Variants in MOGAT3 observed in about 807,000 individuals in gnomAD.
MOGAT3 encodes 2-acylglycerol O-acyltransferase 3.
A neutral mutation model predicts 34.4 loss-of-function variants in MOGAT3; 39 were observed. That is an observed-to-expected ratio of 1.13 (90% CI 0.88 to 1.48). MOGAT3 has a LOEUF of 1.48. Ranked by LOEUF, MOGAT3 falls within the 40% of genes most tolerant of loss-of-function variation. MOGAT3 has a pLI of 0.00. For missense variants in MOGAT3, 439 were observed against 438.9 expected (o/e 1.00, Z 0.00); for synonymous variants, 209 against 179.2 (o/e 1.17, Z -1.33).
At position 101,196,363 on chromosome 7, in the gene MOGAT3, A is replaced by G. The variant is rs776825573; in HGVS notation, c.695T>C (p.Phe232Ser). The change falls in exon 6 of 7, where the codon TTT becomes TCT. Residue 232 changes from phenylalanine to serine, a missense_variant. Coordinates refer to ENST00000223114, the MANE Select transcript of MOGAT3 (RefSeq NM_178176.4). ...AAGTCTAAAGATGTCATTCTCCCCA[A>G]AGGAGTACACGGGCACCAGGGACGC... ...HGASLVPVYSFGENDIFRLKA... is the reference protein window; with the variant it reads ...HGASLVPVYSSGENDIFRLKA... 1 of 1,613,394 alleles carries G rather than the reference A, an allele frequency of 6.2e-7. No homozygotes were observed. Among genetic ancestry groups the G allele is most frequent in the South Asian group, 1.1e-5 (1 of 91,066 alleles).
In MOGAT3 at chr7:101,198,894, C is replaced by T. The variant is rs1797878779; in HGVS notation, c.289-64G>A. 4.9e-6 allele frequency: 7 copies of T among 1,442,722 alleles called. No individual in the cohort carries two copies. The East Asian group carries it at 6.8e-5, about 14-fold the overall frequency. 89.4% of individuals were successfully genotyped at this position (1,442,722 alleles called of 1,614,324 possible). ...CAAGACACCGGCTGAAAAGAGGGGC[C>T]CTCCACCCCAACAGAGTTCCGAGTT... On this transcript the variant is annotated intron_variant, in intron 3 of 6. Coordinates refer to ENST00000223114, the MANE Select transcript of MOGAT3 (RefSeq NM_178176.4).
rs200512746 is a variant in MOGAT3 at position 101,196,411 on chromosome 7, G to A, written c.669-22C>T. ...CGCCCTGGGAAGGAGCAAGAGAGAA[G>A]AGGGGGCTCAGGCTGCTGGACTGCT... On this transcript the variant is annotated intron_variant, in intron 5 of 6. Transcript: ENST00000223114. 1.5e-5 allele frequency: 23 copies of A among 1,581,196 alleles called. No homozygotes were observed. In the African/African-American group the frequency reaches 2.7e-4, roughly 19 times the overall value.
rs748907539 is a variant in MOGAT3, at chr7:101,196,308, A to G, written c.750T>C (p.His250=). 1.9e-6 allele frequency: 3 copies of G among 1,613,998 alleles called. No homozygotes were observed. The highest frequency in any genetic ancestry group is 1.7e-6 in the Non-Finnish European group (2 of 1,179,928). ...GCTTCTTGAAGGTGAGCTGGCACCA[A>G]TGCTGCCAGGAGCCTGTGGCAAAAG... ...LKAFATGSWQ[H]WCQLTFKKLM... Residue 250 remains histidine (H), a synonymous_variant, in exon 6 of 7, where the codon CAT becomes CAC. Transcript: ENST00000223114.
At chr7:101,194,317 A>C (rs1304299084), downstream of MOGAT3, among the ~76,000 whole-genome samples, 2 of 151,636 alleles carry the variant, frequency 1.3e-5, no homozygotes, top group Non-Finnish European at 2.9e-5. Context: ...CCTCCTGAGT[A>C]GCTGGGTCTA....
At chr7:101,197,277 C>A (rs558132855) in intron 5 of MOGAT3, among the ~76,000 whole-genome samples, 1 of 152,124 alleles carries the variant, frequency 6.6e-6, no homozygotes, top group Non-Finnish European at 1.5e-5. Context: ...CAACCTTCTC[C>A]GCTCAAGCCA....
Position 101,198,656 on chromosome 7 carries a change from G to A in MOGAT3, c.463C>T (p.Pro155Ser), listed in dbSNP as rs777371221. Residue 155 changes from proline to serine, a missense_variant, in exon 4 of 7, where the codon CCG (proline) becomes TCG (serine). Physicochemically the swap from Pro to Ser is moderately conservative, Grantham distance 74. Coordinates refer to ENST00000223114, the MANE Select transcript of MOGAT3 (RefSeq NM_178176.4). ...LAVLAGLFYL[P>S]VYRDYIMSFG... ...GACATGATGTAGTCGCGATAGACCGGGAGGTAGAAGAGGCCAGCCAGCACG... is the reference window on the plus strand; with the variant it reads ...GACATGATGTAGTCGCGATAGACCGAGAGGTAGAAGAGGCCAGCCAGCACG... 2 of 1,613,514 alleles carry A rather than the reference G, an allele frequency of 1.2e-6. No individual in the cohort carries two copies. Among genetic ancestry groups the A allele is most frequent in the Middle Eastern group, 1.7e-4 (1 of 6,000 alleles).
chr7:101,198,431 G>A, intron 4 of MOGAT3, 66 bp from the exon 5 acceptor site: 1 of 1,465,306 alleles, frequency 6.8e-7, no homozygotes, highest in Non-Finnish European at 9.1e-7. Context: ...CCCTCACCCA[G>A]CCTTTAGTTC....
chr7:101,193,262 GTGTC>G (rs1244054819), downstream of MOGAT3, among the ~76,000 whole-genome samples: 1 of 151,938 alleles, frequency 6.6e-6, no homozygotes, highest in Non-Finnish European at 1.5e-5. Flanking sequence ...CCCATCCCCA[GTGTC>G]TGGAAAATGT....
chr7:101,195,818 G>T lies in MOGAT3; in HGVS notation c.*128C>A, dbSNP rs1378997300. ...TCCTCCCACCTTGGCCTCCCAAAGT[G>T]CTGGGATTACAGGCATGAGGCACTG... On this transcript the variant is annotated 3_prime_UTR_variant, in exon 7 of 7. Transcript: ENST00000223114. 4.7e-6 allele frequency: 5 copies of T among 1,053,556 alleles called. No individual in the cohort carries two copies. The highest frequency in any genetic ancestry group is 3.1e-4 in the Middle Eastern group (1 of 3,220). 65.3% of individuals were successfully genotyped at this position (1,053,556 alleles called of 1,614,324 possible).
chr7:101,200,116 C>T (rs1797912234), intron 3 of MOGAT3, 118 bp downstream of exon 3: 1 of 819,300 alleles, frequency 1.2e-6, no homozygotes, highest in East Asian at 2.4e-5. Flanking sequence ...CATTCCCTGT[C>T]CCACTGCCTG....
Position 101,198,310 on chromosome 7 carries a change from G to A in MOGAT3, c.549C>T (p.Leu183=). 1 of 1,598,122 alleles carries A rather than the reference G, an allele frequency of 6.3e-7. No individual in the cohort carries two copies. Among genetic ancestry groups the A allele is most frequent in the Non-Finnish European group, 8.5e-7 (1 of 1,171,150 alleles). The change falls in exon 5 of 7, where the codon CTC becomes CTT. Residue 183 remains leucine, a synonymous_variant. Coordinates refer to ENST00000223114, the MANE Select transcript of MOGAT3 (RefSeq NM_178176.4). ...SLDFILSQPQ[L]GQAVVIMVGG... ...CCACCATGATGACCACGGCCTGCCCGAGCTGGGGCTGGGACAGGATGAAGT... is the reference window on the plus strand; with the variant it reads ...CCACCATGATGACCACGGCCTGCCCAAGCTGGGGCTGGGACAGGATGAAGT...
At chr7:101,193,585 C>T (rs1447392912), downstream of MOGAT3, among the ~76,000 whole-genome samples, 2 of 152,032 alleles carry the variant, frequency 1.3e-5, no homozygotes, top group African/African-American at 2.4e-5. Flanking sequence ...CCTGCCACTA[C>T]GCCCAGCTAA....
In MOGAT3 at chr7:101,200,862, G is replaced by C; in HGVS notation, c.-8C>G. 1 of 1,608,186 alleles carries C rather than the reference G, an allele frequency of 6.2e-7. No homozygotes were observed. The highest frequency in any genetic ancestry group is 8.5e-7 in the Non-Finnish European group (1 of 1,176,300). ...GGTTGTGGCAACTCCCATTGCAGAA[G>C]CTCCCCTCTTCCAGCAGGATCCCAG... On this transcript the variant is annotated 5_prime_UTR_variant, in exon 1 of 7. Transcript: ENST00000223114.
At chr7:101,196,165 C>T (rs1209990801) in intron 6 of MOGAT3, 22 bp downstream of exon 6, 22 of 1,569,258 alleles carry the variant, frequency 1.4e-5, no homozygotes, top group Non-Finnish European at 1.9e-5. Context: ...TGGTGGCCGT[C>T]CCCCCGGAGG....
rs1418337008 is a variant in MOGAT3, at chr7:101,200,813, T to G, written c.42A>C (p.Lys14Asn). Residue 14 changes from lysine (K) to asparagine (N), a missense_variant, in exon 1 of 7, where the codon AAA becomes AAC. Physicochemically the swap from Lys to Asn is moderately conservative, Grantham distance 94. Transcript: ENST00000223114. ...CTTCTAGATGCTGCTTCTGCAAGGT[T>G]TTGGAAGTGGTTGGGGGCTGCAGGG... ...ATTLQPPTTSKTLQKQHLEAV... is the reference protein window; with the variant it reads ...ATTLQPPTTSNTLQKQHLEAV... The G allele has an allele frequency of 1.2e-6, 2 of 1,613,964 alleles. No homozygotes were observed. Among genetic ancestry groups the G allele is most frequent in the Non-Finnish European group, 1.7e-6 (2 of 1,180,004 alleles).
Position 101,200,222 on chromosome 7 carries a change from G to A in MOGAT3, c.288+12C>T, listed in dbSNP as rs746140343. The A allele has an allele frequency of 8.1e-6, 13 of 1,612,628 alleles. No individual in the cohort carries two copies. The highest frequency in any genetic ancestry group is 1.1e-5 in the Non-Finnish European group (13 of 1,178,714). ...AGGTAGGAAGCAGTTTTTCTGCAGG[G>A]TGACCCATCACCTTGACAGGATAAT... On this transcript the variant is annotated intron_variant, in intron 3 of 6. Coordinates refer to ENST00000223114, the MANE Select transcript of MOGAT3 (RefSeq NM_178176.4).
downstream of MOGAT3, among the ~76,000 whole-genome samples, chr7:101,193,084 CATAA>C (rs938617592): frequency 2.5e-4 from 38 of 152,002 alleles, no homozygotes; most frequent in Non-Finnish European, 3.7e-4. Context: ...TCTCAAAAAA[CATAA>C]ATAAATAAAT....
Position 101,198,088 on chromosome 7 carries a change from T to A in MOGAT3, c.668+103A>T, listed in dbSNP as rs1002748994. 2.2e-6 allele frequency: 3 copies of A among 1,359,772 alleles called. No individual in the cohort carries two copies. The African/African-American group carries it at 4.4e-5, about 20-fold the overall frequency. The allele number at this position is 1,359,772 out of a possible 1,614,324, so 84.2% of individuals were successfully genotyped here. On this transcript the variant is annotated intron_variant, in intron 5 of 6. Transcript: ENST00000223114. ...CTCGGTGCAGGGCAGGGCGCTGGTC[T>A]CTGGGCACCCGGATCCCCCATGCAG... is the stretch of plus-strand genomic sequence containing the variant.
downstream of MOGAT3, among the ~76,000 whole-genome samples, chr7:101,192,959 T>A (rs186207936): frequency 4.0e-3 from 604 of 151,526 alleles, 4 homozygotes; most frequent in Non-Finnish European, 6.8e-3. Context: ...ACGCCTGTAG[T>A]CCCAGCTACT....
Sources: allele counts gnomAD v4.1 joint callset (sites outside exome capture counted in the v4.1 genomes callset), GRCh38; gene constraint gnomAD v4.1.1; transcripts MANE v1.5; gene names NCBI Gene and HGNC (gene_info 2026-07-23, HGNC 2026-07-21).